The following CACNA1E variants were observed in gnomAD, a reference collection of about 807,000 sequenced individuals.
CACNA1E encodes the protein voltage-dependent R-type calcium channel subunit alpha-1E.
Under a neutral mutation model 259.2 loss-of-function variants are expected in CACNA1E, and 40 were observed. That is an observed-to-expected ratio of 0.15 (90% CI 0.12 to 0.20). CACNA1E has a LOEUF of 0.20. Among genes scored for constraint, CACNA1E ranks in the 10% least tolerant of loss-of-function variants. CACNA1E has a pLI of 1.00. For missense variants in CACNA1E, 1,874 were observed against 3,040.1 expected (o/e 0.62, Z 9.02); for synonymous variants, 1,104 against 1,138.5 (o/e 0.97, Z 0.61).
At chr1:181,554,004 G>A (rs1648462314) in intron 3 of CACNA1E, among the ~76,000 whole-genome samples, 1 of 152,066 alleles carries the variant, frequency 6.6e-6, no homozygotes, top group Non-Finnish European at 1.5e-5. Context: ...AGCAAAGTCA[G>A]TATTTGAATT....
intron 6 of CACNA1E, among the ~76,000 whole-genome samples, chr1:181,627,255 A>G (rs570875787): frequency 6.6e-6 from 1 of 152,304 alleles, no homozygotes; most frequent in Non-Finnish European, 1.5e-5. Context: ...GTTACCAGTA[A>G]CTGATTCAAG....
chr1:181,765,171 G>A (rs1259962414), intron 34 of CACNA1E, among the ~76,000 whole-genome samples: 1 of 152,020 alleles, frequency 6.6e-6, no homozygotes, highest in Non-Finnish European at 1.5e-5. Flanking sequence ...TCCCTAAACA[G>A]CATCCAGTTT....
chr1:181,715,882 G>A (rs965854408), intron 9 of CACNA1E, among the ~76,000 whole-genome samples, 158 bp from the exon 10 acceptor site: 8 of 152,174 alleles, frequency 5.3e-5, no homozygotes, highest in East Asian at 1.9e-4. Context: ...GTAGACATCC[G>A]TGATTTCTGT....
At chr1:181,771,681 G>A (rs768169134) in intron 36 of CACNA1E, 59 of 473,538 alleles carry the variant, frequency 1.2e-4, no homozygotes, top group Admixed American at 2.5e-4. Flanking sequence ...CTTTGGCTCA[G>A]CAGTTAATTT....
intron 1 of CACNA1E, among the ~76,000 whole-genome samples, chr1:181,341,353 C>A (rs1029591569): frequency 5.3e-5 from 8 of 152,178 alleles, no homozygotes; most frequent in African/African-American, 1.7e-4. Flanking sequence ...GTTTGTCATT[C>A]CTAGAGGTTG....
rs1481777073 is a variant in CACNA1E at position 181,789,983 on chromosome 1, A to C, written c.5787-462A>C. On this transcript the variant is annotated intron_variant, in intron 43 of 47. Coordinates refer to ENST00000367573, the MANE Select transcript of CACNA1E (RefSeq NM_001205293.3). ...AATAAATGGCAATGGAATTGGACTTAATTGTTTAGTTTGGCCAGGGATGTT... is the reference window on the plus strand; with the variant it reads ...AATAAATGGCAATGGAATTGGACTTCATTGTTTAGTTTGGCCAGGGATGTT... Among the ~76,000 whole-genome samples, 3 of 152,154 alleles carry C rather than the reference A, an allele frequency of 2.0e-5. No homozygotes were observed. In the East Asian group the frequency reaches 5.8e-4, roughly 30 times the overall value.
intron 1 of CACNA1E, among the ~76,000 whole-genome samples, chr1:181,356,166 C>A (rs1653418957): frequency 6.6e-6 from 1 of 152,126 alleles, no homozygotes; most frequent in South Asian, 2.1e-4. Flanking sequence ...GGCTCACTGG[C>A]CAACAAGTGC....
intron 2 of CACNA1E, among the ~76,000 whole-genome samples, chr1:181,415,353 C>T (rs1658184821): frequency 6.6e-6 from 1 of 152,134 alleles, no homozygotes. Flanking sequence ...ACCTGGGGTG[C>T]TGGCGGGGAT....
intron 1 of CACNA1E, among the ~76,000 whole-genome samples, chr1:181,498,097 A>T (rs997195647): frequency 3.9e-5 from 6 of 152,206 alleles, no homozygotes; most frequent in Admixed American, 3.9e-4. Flanking sequence ...TTCTCAGAGA[A>T]GTCTACCCTC....
intron 6 of CACNA1E, among the ~76,000 whole-genome samples, chr1:181,642,244 C>T (rs11590410): frequency 0.18 from 26,604 of 152,022 alleles, 2,413 homozygotes; most frequent in South Asian, 0.28. Flanking sequence ...TGCTGTGATT[C>T]CTTCCAGCTC....
At chr1:181,436,094 A>G (rs562996090) in intron 2 of CACNA1E, among the ~76,000 whole-genome samples, 24 of 152,248 alleles carry the variant, frequency 1.6e-4, no homozygotes, top group Non-Finnish European at 4.4e-5. Context: ...AGACACACAG[A>G]TGGCCAGCAG....
At chr1:181,376,976 T>C (rs1655142753) in intron 1 of CACNA1E, among the ~76,000 whole-genome samples, 2 of 152,174 alleles carry the variant, frequency 1.3e-5, no homozygotes, top group African/African-American at 4.8e-5. Flanking sequence ...GAAGAACTGG[T>C]TAAGGAAAGA....
Position 181,717,176 on chromosome 1 carries a change from A to G in CACNA1E, c.1399A>G (p.Ile467Val). Residue 467 changes from isoleucine to valine, a missense_variant, in exon 11 of 48, where the codon ATC (isoleucine) becomes GTC (valine). Ile to Val is a conservative substitution (Grantham distance 29). Around this residue, in one of 14 missense-constraint regions of CACNA1E, gnomAD observed 157 missense variants for 203.5 expected, o/e 0.77. Transcript: ENST00000367573. ...CCGGCACAAGGAAAGGCTTCTGCGC[A>G]TCTCCATTCGCCACATGGTTAAATC... ...YFRHKERLLR[I>V]SIRHMVKSQV... 1 of 1,613,992 alleles carries G rather than the reference A, an allele frequency of 6.2e-7. No individual in the cohort carries two copies. The highest frequency in any genetic ancestry group is 8.5e-7 in the Non-Finnish European group (1 of 1,179,874).
intron 2 of CACNA1E, among the ~76,000 whole-genome samples, chr1:181,414,313 A>G (rs1658103875): frequency 6.6e-6 from 1 of 152,146 alleles, no homozygotes; most frequent in Non-Finnish European, 1.5e-5. Context: ...TTCTTGCTTT[A>G]GATTGTTGAC....
At chr1:181,657,292 GGGAGATTTCAGTCAAAGACT>G in intron 7 of CACNA1E, among the ~76,000 whole-genome samples, 1 of 152,164 alleles carries the variant, frequency 6.6e-6, no homozygotes, top group Admixed American at 6.5e-5. Context: ...GAAAGGGAGG[GGGAGATTTCAGTCAAAGACT>G]GAAATCTTAG....
chr1:181,597,985 C>T (rs1021025345), intron 6 of CACNA1E, among the ~76,000 whole-genome samples: 2 of 152,114 alleles, frequency 1.3e-5, no homozygotes, highest in African/African-American at 2.4e-5. Flanking sequence ...TGGGTGGGGA[C>T]ACAGCCAAAC....
In CACNA1E at chr1:181,763,419, G is replaced by C; in HGVS notation, c.4703G>C (p.Ser1568Thr). Residue 1568 changes from serine to threonine, a missense_variant, in exon 34 of 48, where the codon AGT becomes ACT. Transcript: ENST00000367573. ...ILTDSKLVNT[S>T]GFNMSFLKLF... ...TTGGTCCACCAGCTGGTGAACACCAGTGGCTTCAATATGAGCTTTCTGAAG... is the reference window on the plus strand; with the variant it reads ...TTGGTCCACCAGCTGGTGAACACCACTGGCTTCAATATGAGCTTTCTGAAG... 1 of 1,593,754 alleles carries C rather than the reference G, an allele frequency of 6.3e-7. No homozygotes were observed. Among genetic ancestry groups the C allele is most frequent in the Non-Finnish European group, 8.6e-7 (1 of 1,164,354 alleles).
intron 3 of CACNA1E, among the ~76,000 whole-genome samples, chr1:181,548,137 T>TC (rs55724320): frequency 2.1e-5 from 3 of 140,938 alleles, no homozygotes; most frequent in South Asian, 2.3e-4. Context: ...TTCTTTTTTT[T>TC]TTTTTGAGTC....
intron 7 of CACNA1E, among the ~76,000 whole-genome samples, chr1:181,671,091 C>T (rs558215489): frequency 5.9e-5 from 9 of 152,284 alleles, no homozygotes; most frequent in East Asian, 1.9e-4. Context: ...TGGAGTGCAG[C>T]GGTGCAGTCA....
Sources: allele counts gnomAD v4.1 joint callset (sites outside exome capture counted in the v4.1 genomes callset), GRCh38; gene constraint gnomAD v4.1.1; regional missense constraint gnomAD v4.1.1; transcripts MANE v1.5; gene names NCBI Gene and HGNC (gene_info 2026-07-23, HGNC 2026-07-21).